The following TENM2 variants were observed in gnomAD, a reference collection of about 807,000 sequenced individuals.
TENM2 encodes the protein teneurin-2.
A neutral mutation model predicts 245.2 loss-of-function variants in TENM2; 52 were observed. The observed-to-expected ratio is 0.21, with a 90% CI of 0.17 to 0.27. The LOEUF (loss-of-function observed/expected upper bound fraction) is 0.27, where lower values mean the gene tolerates loss of function less well. TENM2 is among the 10% of genes least tolerant of loss of function. The probability of loss-of-function intolerance (pLI) is 1.00; values close to 1 mark genes in which losing one functional copy is unlikely to be tolerated. For missense variants in TENM2, 3,046 were observed against 3,666.8 expected (o/e 0.83, Z 4.37); for synonymous variants, 1,363 against 1,438.9 (o/e 0.95, Z 1.19).
intron 3 of TENM2, among the ~76,000 whole-genome samples, chr5:167,919,589 G>A (rs533529018): frequency 2.0e-5 from 3 of 152,326 alleles, no homozygotes; most frequent in East Asian, 1.9e-4. Context: ...AACGGGAGGC[G>A]AAGAGGTAAC....
Position 167,462,181 on chromosome 5 carries a change from A to ACCCCCCCCCCCC in TENM2, c.502+86709_502+86720dup, listed in dbSNP as rs34703422. On this transcript the variant is annotated intron_variant, in intron 2 of 28. Coordinates refer to ENST00000518659, the Ensembl canonical transcript of TENM2. ...GAAACGGGAGAGTTCCCTGACCCCCACCCCCCCCCCCCATTGCAGGACATG... is the reference window on the plus strand; with the variant it reads ...GAAACGGGAGAGTTCCCTGACCCCCACCCCCCCCCCCCCCCCCCCCCCCCATTGCAGGACATG... Among the ~76,000 whole-genome samples the ACCCCCCCCCCCC allele has an allele frequency of 5.3e-5, 4 of 75,022 alleles. 1 individual carries two copies. The highest frequency in any genetic ancestry group is 4.3e-4 in the East Asian group (1 of 2,338). The allele number at this position is 75,022 out of a possible 152,430, so 49.2% of individuals were successfully genotyped here.
intron 2 of TENM2, among the ~76,000 whole-genome samples, chr5:167,504,562 A>G (rs1021761118): frequency 2.0e-5 from 3 of 152,206 alleles, no homozygotes; most frequent in South Asian, 4.1e-4. Context: ...ATGAAAAATT[A>G]CATGCATCTC....
In TENM2 at chr5:168,244,834, A is replaced by G; in HGVS notation, c.5817+118A>G. On this transcript the variant is annotated intron_variant, in intron 26 of 28. Coordinates refer to ENST00000518659, the Ensembl canonical transcript of TENM2. The surrounding 1 kb of genome is among the most constrained non-coding windows in gnomAD (Gnocchi z 4.9). ...GCCCAGGCTGGAGTGCAGTGGCATG[A>G]TCTCGGCTCACTGCAACCTCTGCCT... 1.2e-6 allele frequency: 1 copy of G among 818,662 alleles called. No homozygotes were observed. The highest frequency in any genetic ancestry group is 1.7e-6 in the Non-Finnish European group (1 of 601,306). The allele number at this position is 818,662 out of a possible 1,614,324, so 50.7% of individuals were successfully genotyped here.
chr5:167,646,630 T>A (rs759310939), intron 2 of TENM2, among the ~76,000 whole-genome samples: 1 of 152,000 alleles, frequency 6.6e-6, no homozygotes, highest in Non-Finnish European at 1.5e-5. Flanking sequence ...CAAATTCAGC[T>A]AGGCAGGTAA....
chr5:168,094,479 C>A (rs529667479), intron 8 of TENM2, among the ~76,000 whole-genome samples: 12 of 152,214 alleles, frequency 7.9e-5, no homozygotes, highest in Admixed American at 2.6e-4. Flanking sequence ...TCAAAAAATG[C>A]AAGCTGGAGA....
chr5:168,098,144 C>G lies in TENM2; in HGVS notation c.1813+17C>G. 2 of 1,585,600 alleles carry G rather than the reference C, an allele frequency of 1.3e-6. No homozygotes were observed. The highest frequency in any genetic ancestry group is 1.7e-6 in the Non-Finnish European group (2 of 1,155,402). On this transcript the variant is annotated intron_variant, in intron 9 of 28. Coordinates refer to ENST00000518659, the Ensembl canonical transcript of TENM2. ...GTGCTAAAGGTATGTGCCGCCACTT[C>G]CCTGCTATGGTTGGAAAACAGACCC...
intron 2 of TENM2, among the ~76,000 whole-genome samples, chr5:167,802,475 T>C (rs1390571526): frequency 6.6e-6 from 1 of 152,186 alleles, no homozygotes; most frequent in East Asian, 1.9e-4. Flanking sequence ...GAGCCTAGAA[T>C]GTGAAAGAAT....
intron 1 of TENM2, among the ~76,000 whole-genome samples, chr5:167,285,784 T>C (rs1202604229): frequency 6.6e-6 from 1 of 152,224 alleles, no homozygotes; most frequent in African/African-American, 2.4e-5. Context: ...GCACTTTACA[T>C]TGATGGCTCA....
At chr5:168,200,379 T>C (rs1341748085) in intron 17 of TENM2, among the ~76,000 whole-genome samples, 1 of 152,082 alleles carries the variant, frequency 6.6e-6, no homozygotes, top group African/African-American at 2.4e-5. Context: ...AAGTAAATGA[T>C]ATATATTGGG....
At chr5:167,610,208 G>A (rs1777378105) in intron 2 of TENM2, among the ~76,000 whole-genome samples, 1 of 152,074 alleles carries the variant, frequency 6.6e-6, no homozygotes, top group Admixed American at 6.6e-5. Flanking sequence ...AGGAGGAAAG[G>A]GGTGTGGAGC....
At chr5:167,539,482 G>A (rs1291268252) in intron 2 of TENM2, among the ~76,000 whole-genome samples, 5 of 152,076 alleles carry the variant, frequency 3.3e-5, no homozygotes, top group African/African-American at 1.2e-4. Flanking sequence ...TTGCACAGAA[G>A]CATAGGTTTA....
At chr5:167,181,765 A>T in the TENM2 span, among the ~76,000 whole-genome samples, 2 of 152,226 alleles carry the variant, frequency 1.3e-5, no homozygotes, top group Non-Finnish European at 2.9e-5. Flanking sequence ...AAGGAGAAGC[A>T]TGCTAATTTT....
chr5:168,175,118 T>C (rs1759240884), intron 13 of TENM2, among the ~76,000 whole-genome samples: 1 of 152,202 alleles, frequency 6.6e-6, no homozygotes, highest in Non-Finnish European at 1.5e-5. Flanking sequence ...ACCTAACGTG[T>C]CTGAGACTCA....
At chr5:167,016,659 AC>A in the TENM2 span, among the ~76,000 whole-genome samples, 1 of 152,164 alleles carries the variant, frequency 6.6e-6, no homozygotes, top group African/African-American at 2.4e-5. Context: ...ATGAACAACA[AC>A]CTTGAGAGCA....
At chr5:167,358,818 C>G (rs1322533841) in intron 1 of TENM2, among the ~76,000 whole-genome samples, 2 of 29,924 alleles carry the variant, frequency 6.7e-5, no homozygotes, top group Non-Finnish European at 2.3e-4. Context: ...CACACACACA[C>G]ACACACACAC....
At position 168,200,087 on chromosome 5, in the gene TENM2, C is replaced by G. The variant is rs746424551; in HGVS notation, c.3386C>G (p.Thr1129Arg). The stretch of plus-strand genomic sequence containing the variant: ...GCCTACACCTTCATCTGGGACAAGA[C>G]AGATGCGTATGGCCAAAGGGTGTAT... Residue 1129 changes from threonine (T) to arginine (R), a missense_variant, in exon 17 of 29, where the codon ACA becomes AGA. Thr to Arg is a moderately conservative substitution (Grantham distance 71). This residue lies in a region of TENM2 where 2,704 missense variants were observed against 3,331.9 expected (regional missense o/e 0.81). Transcript: ENST00000518659. The G allele has an allele frequency of 1.2e-6, 2 of 1,613,822 alleles. No individual in the cohort carries two copies. The highest frequency in any genetic ancestry group is 1.7e-6 in the Non-Finnish European group (2 of 1,179,786).
chr5:168,189,704 A>G (rs1760778990), intron 13 of TENM2, among the ~76,000 whole-genome samples: 1 of 152,224 alleles, frequency 6.6e-6, no homozygotes, highest in African/African-American at 2.4e-5. Flanking sequence ...AGAGTGGGAT[A>G]GAATACTTTT....
At position 167,357,876 on chromosome 5, in the gene TENM2, C is replaced by T. The variant is rs144550662; in HGVS notation, c.227-17322C>T. 2.3e-3 allele frequency among the ~76,000 whole-genome samples: 348 copies of T among 152,240 alleles called. 2 individuals are homozygous for T. Among genetic ancestry groups the T allele is most frequent in the African/African-American group, 8.0e-3 (332 of 41,544 alleles). ...CTCATCTTCAATCAGAAACGAATTT[C>T]GAAACCACATCTACCATCCACACAC... On this transcript the variant is annotated intron_variant, in intron 1 of 28. Transcript: ENST00000518659.
At chr5:167,962,803 C>A (rs989877867) in intron 4 of TENM2, among the ~76,000 whole-genome samples, 4 of 152,094 alleles carry the variant, frequency 2.6e-5, no homozygotes, top group Admixed American at 6.6e-5. Context: ...GGTAACCGCC[C>A]CCATGATTAA....
Sources: allele counts gnomAD v4.1 joint callset (sites outside exome capture counted in the v4.1 genomes callset), GRCh38; gene constraint gnomAD v4.1.1; regional missense constraint gnomAD v4.1.1; non-coding constraint Gnocchi (gnomAD v3.1); transcripts MANE v1.5; gene names NCBI Gene and HGNC (gene_info 2026-07-23, HGNC 2026-07-21).